Variants in COL9A2 observed in about 807,000 individuals in gnomAD.
COL9A2 encodes the protein collagen type IX alpha 2 chain, also known as collagen alpha-2(IX) chain.
Under a neutral mutation model 111.6 loss-of-function variants are expected in COL9A2, and 66 were observed. That is an observed-to-expected ratio of 0.59 (90% CI 0.48 to 0.73). The LOEUF (loss-of-function observed/expected upper bound fraction) is 0.73, where lower values mean the gene tolerates loss of function less well. Among genes scored for constraint, COL9A2 ranks in the 30% least tolerant of loss-of-function variants. COL9A2 has a pLI of 0.00. For missense variants in COL9A2, 881 were observed against 954.1 expected (o/e 0.92, Z 1.01); for synonymous variants, 353 against 364.1 (o/e 0.97, Z 0.35).
rs370001266 is a variant in COL9A2, at chr1:40,317,228, C to T, written c.-31G>A. ...GCGGCGAGACCAAGGGGGACGGGTGCGTGTCCGCGCACGCACCGACGGCAG... is the reference window on the plus strand; with the variant it reads ...GCGGCGAGACCAAGGGGGACGGGTGTGTGTCCGCGCACGCACCGACGGCAG... On this transcript the variant is annotated 5_prime_UTR_variant, in exon 1 of 32. Coordinates refer to ENST00000372748, the MANE Select transcript of COL9A2 (RefSeq NM_001852.4). The surrounding 1 kb of genome is among the most constrained non-coding windows in gnomAD (Gnocchi z 4.3). 45 of 1,366,312 alleles carry T rather than the reference C, an allele frequency of 3.3e-5. No homozygotes were observed. Among genetic ancestry groups the T allele is most frequent in the Non-Finnish European group, 4.2e-5 (43 of 1,026,768 alleles). 84.6% of individuals were successfully genotyped at this position (1,366,312 alleles called of 1,614,324 possible). A position where few individuals can be genotyped will look rare whatever the true frequency, so the allele number is the denominator to read the frequency against.
intron 2 of COL9A2, 138 bp downstream of exon 2, chr1:40,315,452 C>A (rs1644203086): frequency 2.8e-6 from 4 of 1,452,844 alleles, no homozygotes; most frequent in African/African-American, 1.4e-5. Context: ...CCTTGTGGTG[C>A]GGGCCGGCGC....
chr1:40,314,363 CT>C lies in COL9A2; in HGVS notation c.174del (p.Ala59LeufsTer27). On this transcript the variant is annotated frameshift_variant, in exon 3 of 32. Transcript: ENST00000372748. LOFTEE classifies it high-confidence loss of function. This position sits in a 1 kb window ranked among gnomAD's most constrained non-coding sequence, Gnocchi z 4.1. ...GATAAAGCACTCACCGGAGGGCCAG[CT>C]TTTCCAGGGGGCCCATTGTCACCCT... Reference protein sequence around the residue: ...GIDGDNGPPGKAGPPGPKGEP... With the variant: ...GIDGDNGPPGXAGPPGPKGEP... 1 of 1,614,194 alleles carries C rather than the reference CT, an allele frequency of 6.2e-7. No individual in the cohort carries two copies. Among genetic ancestry groups the C allele is most frequent in the Non-Finnish European group, 8.5e-7 (1 of 1,180,032 alleles).
chr1:40,301,519 A>G, intron 31 of COL9A2, 138 bp from the exon 32 acceptor site: 1 of 737,082 alleles, frequency 1.4e-6, no homozygotes, highest in Non-Finnish European at 2.2e-6. Flanking sequence ...AGAGGCAGAG[A>G]TTCTGTGATT....
Position 40,303,067 on chromosome 1 carries a change from G to T in COL9A2, c.1603+64C>A, listed in dbSNP as rs776715852. ...AGACAAGTGAACACGTGGAGGCTCC[G>T]GGAGGGGGTGAGGGGGCGGCGATGC... On this transcript the variant is annotated intron_variant, in intron 29 of 31. Transcript: ENST00000372748. This position sits in a 1 kb window ranked among gnomAD's most constrained non-coding sequence, Gnocchi z 4.6. The T allele has an allele frequency of 6.5e-7, 1 of 1,528,514 alleles. No homozygotes were observed. Among genetic ancestry groups the T allele is most frequent in the Non-Finnish European group, 9.0e-7 (1 of 1,116,982 alleles). 94.7% of individuals were successfully genotyped at this position (1,528,514 alleles called of 1,614,324 possible).
At chr1:40,306,108 T>C (rs1644025702) in intron 20 of COL9A2, 35 bp downstream of exon 20, 1 of 1,613,338 alleles carries the variant, frequency 6.2e-7, no homozygotes, top group Admixed American at 1.7e-5. Context: ...CAGACTTCCT[T>C]GCTCAATTCT....
rs1417170117 is a variant in COL9A2, at chr1:40,316,413, G to C, written c.75+710C>G. Reference sequence around the variant, plus strand: ...GCCCCTGGGTGGGTGTGAGGTTTCAGGGAGGTCACAAGTCATATCAAGATG... The same window carrying C: ...GCCCCTGGGTGGGTGTGAGGTTTCACGGAGGTCACAAGTCATATCAAGATG... On this transcript the variant is annotated intron_variant, in intron 1 of 31. Transcript: ENST00000372748. This position sits in a 1 kb window ranked among gnomAD's most constrained non-coding sequence, Gnocchi z 5.5. Among the ~76,000 whole-genome samples, 1 of 152,198 alleles carries C rather than the reference G, an allele frequency of 6.6e-6. No individual in the cohort carries two copies. The highest frequency in any genetic ancestry group is 2.4e-5 in the African/African-American group (1 of 41,454).
chr1:40,315,438 G>A (rs1644202921), intron 2 of COL9A2, 152 bp downstream of exon 2: 2 of 1,443,788 alleles, frequency 1.4e-6, no homozygotes, highest in Non-Finnish European at 1.8e-6. Context: ...AGAACAAACG[G>A]CGTCCTTGTG....
chr1:40,314,148 C>A lies in COL9A2; in HGVS notation c.249+57G>T. 6.4e-7 allele frequency: 1 copy of A among 1,573,192 alleles called. No homozygotes were observed. The highest frequency in any genetic ancestry group is 8.7e-7 in the Non-Finnish European group (1 of 1,143,616). On this transcript the variant is annotated intron_variant, in intron 4 of 31. Transcript: ENST00000372748. This position sits in a 1 kb window ranked among gnomAD's most constrained non-coding sequence, Gnocchi z 4.1. ...GATCAGTGAAGATGCCAGAGCCAGGCCCTGGAGGTCAATTGGCAGAGCCCT... is the reference window on the plus strand; with the variant it reads ...GATCAGTGAAGATGCCAGAGCCAGGACCTGGAGGTCAATTGGCAGAGCCCT...
In COL9A2 at chr1:40,312,654, C is replaced by T; in HGVS notation, c.304-45G>A. The stretch of plus-strand genomic sequence containing the variant: ...GGCTCAGAGGCTGGGGTTTCCCCGG[C>T]TCCTACTTCCTCTCTACAGCCACTC... On this transcript the variant is annotated intron_variant, in intron 5 of 31. Transcript: ENST00000372748. The surrounding 1 kb of genome is among the most constrained non-coding windows in gnomAD (Gnocchi z 6.0). 6.2e-7 allele frequency: 1 copy of T among 1,606,024 alleles called. No homozygotes were observed. Among genetic ancestry groups the T allele is most frequent in the Non-Finnish European group, 8.5e-7 (1 of 1,176,088 alleles).
rs753091787 is a variant in COL9A2 at position 40,303,724 on chromosome 1, G to A, written c.1402-48C>T. The A allele has an allele frequency of 2.0e-6, 3 of 1,535,532 alleles. No homozygotes were observed. The highest frequency in any genetic ancestry group is 2.6e-6 in the Non-Finnish European group (3 of 1,142,146). On this transcript the variant is annotated intron_variant, in intron 27 of 31. Transcript: ENST00000372748. The surrounding 1 kb of genome is among the most constrained non-coding windows in gnomAD (Gnocchi z 4.6). ...GCAGAGCCGGGTGAGAAGGCGCCCG[G>A]GTGGGCGAGAGTGGGGGGTGGGGGT...
In COL9A2 at chr1:40,302,498, G is replaced by C; in HGVS notation, c.1792+123C>G. ...GGAAAGAGCCCAGGAGTGTCTCCTG[G>C]ACCATGTGGCTGAGGAACCGGGGAA... On this transcript the variant is annotated intron_variant, in intron 30 of 31. Coordinates refer to ENST00000372748, the MANE Select transcript of COL9A2 (RefSeq NM_001852.4). The surrounding 1 kb of genome is among the most constrained non-coding windows in gnomAD (Gnocchi z 4.5). The C allele has an allele frequency of 9.2e-7, 1 of 1,086,352 alleles. No homozygotes were observed. Among genetic ancestry groups the C allele is most frequent in the Admixed American group, 2.0e-5 (1 of 49,828 alleles). The allele number at this position is 1,086,352 out of a possible 1,614,324, so 67.3% of individuals were successfully genotyped here.
chr1:40,315,654 G>A lies in COL9A2; in HGVS notation c.86C>T (p.Pro29Leu), dbSNP rs1307015947. Residue 29 changes from proline to leucine, a missense_variant, in exon 2 of 32, where the codon CCG (proline) becomes CTG (leucine). Transcript: ENST00000372748. ...VLALAQIRGP[P>L]GERGPPGPPG... ...GGGACCCGGGGGGCCCCGCTCTCCCGGTGGACCTCTCTGAAAAACACACAC... is the reference window on the plus strand; with the variant it reads ...GGGACCCGGGGGGCCCCGCTCTCCCAGTGGACCTCTCTGAAAAACACACAC... 5 of 1,553,420 alleles carry A rather than the reference G, an allele frequency of 3.2e-6. No individual in the cohort carries two copies. The South Asian group carries it at 4.7e-5, about 15-fold the overall frequency.
At position 40,316,398 on chromosome 1, in the gene COL9A2, G is replaced by A. The variant is rs916135014; in HGVS notation, c.75+725C>T. ...TGCCTGCAATTCAATGCCCCTGGGTGGGTGTGAGGTTTCAGGGAGGTCACA... is the reference window on the plus strand; with the variant it reads ...TGCCTGCAATTCAATGCCCCTGGGTAGGTGTGAGGTTTCAGGGAGGTCACA... On this transcript the variant is annotated intron_variant, in intron 1 of 31. Coordinates refer to ENST00000372748, the MANE Select transcript of COL9A2 (RefSeq NM_001852.4). The surrounding 1 kb of genome is among the most constrained non-coding windows in gnomAD (Gnocchi z 5.5). Among the ~76,000 whole-genome samples, 8 of 152,222 alleles carry A rather than the reference G, an allele frequency of 5.3e-5. No individual in the cohort carries two copies. The highest frequency in any genetic ancestry group is 8.8e-5 in the Non-Finnish European group (6 of 68,038).
chr1:40,309,853 T>TCA, intron 16 of COL9A2, 85 bp downstream of exon 16: 1 of 1,358,340 alleles, frequency 7.4e-7, no homozygotes, highest in Non-Finnish European at 1.1e-6. Flanking sequence ...TCATGCACTC[T>TCA]CACACACACA....
Position 40,304,081 on chromosome 1 carries a change from C to T in COL9A2, c.1306G>A (p.Gly436Arg), listed in dbSNP as rs1316869117. Residue 436 changes from glycine (G) to arginine (R), a missense_variant, in exon 25 of 32, where the codon GGG (glycine) becomes AGG (arginine). Transcript: ENST00000372748. Reference protein sequence around the residue: ...KGDKGSPGKTGPRGKVGDPGV... With the variant: ...KGDKGSPGKTRPRGKVGDPGV... ...GAACTCACCACTTTGCCGCGGGGCC[C>T]GGTCTTCCCTGGGGAGCCCTGGAGA... 30 of 1,572,460 alleles carry T rather than the reference C, an allele frequency of 1.9e-5. No individual in the cohort carries two copies. Among genetic ancestry groups the T allele is most frequent in the Non-Finnish European group, 2.6e-5 (30 of 1,160,302 alleles).
rs766176769 is a variant in COL9A2 at position 40,303,723 on chromosome 1, G to A, written c.1402-47C>T. 1.4e-5 allele frequency: 21 copies of A among 1,545,746 alleles called. No individual in the cohort carries two copies. The highest frequency in any genetic ancestry group is 2.1e-4 in the Middle Eastern group (1 of 4,672). ...AGCAGAGCCGGGTGAGAAGGCGCCC[G>A]GGTGGGCGAGAGTGGGGGGTGGGGG... On this transcript the variant is annotated intron_variant, in intron 27 of 31. Transcript: ENST00000372748. The surrounding 1 kb of genome is among the most constrained non-coding windows in gnomAD (Gnocchi z 4.6).
intron 16 of COL9A2, 129 bp downstream of exon 16, chr1:40,309,801 TACACACTC>T: frequency 1.2e-6 from 1 of 847,740 alleles, no homozygotes; most frequent in Admixed American, 1.7e-5. Context: ...ACACACACAC[TACACACTC>T]ACACACACTA....
rs1390656581 is a variant in COL9A2 at position 40,314,241 on chromosome 1, A to G, written c.213T>C (p.Ala71=). ...PPGPKGEPGK[A]GPDGPDGKPG... is the part of the protein sequence containing the mutation. ...GCTTCCCGTCTGGCCCATCTGGCCC[A>G]GCTTTGCCAGGCTCGCCCTTGGGTC... The change falls in exon 4 of 32, where the codon GCT becomes GCC. Residue 71 remains alanine, a synonymous_variant. Coordinates refer to ENST00000372748, the MANE Select transcript of COL9A2 (RefSeq NM_001852.4). The surrounding 1 kb of genome is among the most constrained non-coding windows in gnomAD (Gnocchi z 4.1). 1.9e-6 allele frequency: 3 copies of G among 1,614,228 alleles called. No homozygotes were observed. In the Admixed American group the frequency reaches 5.0e-5, roughly 27 times the overall value.
rs77695700 is a variant in COL9A2 at position 40,304,111 on chromosome 1, G to T, written c.1288-12C>A. On this transcript the variant is annotated splice_polypyrimidine_tract_variant and intron_variant, in intron 24 of 31. Transcript: ENST00000372748. Reference sequence around the variant, plus strand: ...TTCCCTGGGGAGCCCTGGAGAAAGCGGGCAGTGAGGGGTTTGGCGAGCTCC... The same window carrying T: ...TTCCCTGGGGAGCCCTGGAGAAAGCTGGCAGTGAGGGGTTTGGCGAGCTCC... The T allele has an allele frequency of 1.3e-6, 2 of 1,548,620 alleles. No homozygotes were observed. The highest frequency in any genetic ancestry group is 2.4e-5 in the East Asian group (1 of 42,066).
Sources: allele counts gnomAD v4.1 joint callset (sites outside exome capture counted in the v4.1 genomes callset), GRCh38; gene constraint gnomAD v4.1.1; non-coding constraint Gnocchi (gnomAD v3.1); transcripts MANE v1.5; gene names NCBI Gene and HGNC (gene_info 2026-07-23, HGNC 2026-07-21).